Variants in AKAP13 observed in about 807,000 individuals in gnomAD.
The protein encoded by AKAP13 is A-kinase anchoring protein 13, also known as A-kinase anchor protein 13.
In AKAP13, 80 loss-of-function variants were observed where a neutral mutation model predicts 264.5. The ratio of observed to expected loss-of-function variants is 0.30; its 90% CI spans 0.25 to 0.36. The LOEUF is 0.36. AKAP13 is among the 10% of genes least tolerant of loss of function. The probability of loss-of-function intolerance (pLI) is 1.00; values close to 1 mark genes in which losing one functional copy is unlikely to be tolerated. For synonymous variants in AKAP13, 1,380 were observed against 1,250.2 expected, an observed-to-expected ratio of 1.10 and a Z score of -2.19; for missense variants, 3,712 against 3,435.2, an observed-to-expected ratio of 1.08 and a Z score of -2.01.
At chr15:85,397,055 T>C (rs2071154047) in intron 1 of AKAP13, among the ~76,000 whole-genome samples, 1 of 134,274 alleles carries the variant, frequency 7.4e-6, no homozygotes, top group Non-Finnish European at 1.6e-5. Context: ...CGAGGATTAT[T>C]TTTTAAATAA....
In AKAP13 at chr15:85,721,986, T is replaced by C. The variant is rs746220147; in HGVS notation, c.6253-5T>C. The C allele has an allele frequency of 1.2e-6, 2 of 1,613,910 alleles. No homozygotes were observed. The highest frequency in any genetic ancestry group is 2.2e-5 in the South Asian group (2 of 91,058). On this transcript the variant is annotated splice_polypyrimidine_tract_variant and splice_region_variant and intron_variant, in intron 23 of 36. Coordinates refer to ENST00000394518, the MANE Select transcript of AKAP13 (RefSeq NM_007200.5). ...GGCATAACTTCTGTTCTCTTTTCTCTGCAGTTTTCAGGTGAGAATGCAGAA... is the reference window on the plus strand; with the variant it reads ...GGCATAACTTCTGTTCTCTTTTCTCCGCAGTTTTCAGGTGAGAATGCAGAA...
chr15:85,550,228 A>G (rs2077908137), intron 5 of AKAP13, among the ~76,000 whole-genome samples: 1 of 152,008 alleles, frequency 6.6e-6, no homozygotes, highest in South Asian at 2.1e-4. Context: ...TCTGTTTTAT[A>G]ATTGAGGAAA....
At chr15:85,529,916 T>C (rs572243302) in intron 3 of AKAP13, among the ~76,000 whole-genome samples, 16 of 152,340 alleles carry the variant, frequency 1.1e-4, no homozygotes, top group South Asian at 6.2e-4. Flanking sequence ...ATTTTACTTA[T>C]GATGATTCAT....
chr15:85,498,220 A>G (rs1395394039), intron 2 of AKAP13, among the ~76,000 whole-genome samples: 2 of 101,902 alleles, frequency 2.0e-5, no homozygotes, highest in African/African-American at 7.7e-5. Context: ...ATATATATAT[A>G]TATATATCAC....
At chr15:85,478,705 C>G (rs1255016360) in intron 1 of AKAP13, among the ~76,000 whole-genome samples, 2 of 151,750 alleles carry the variant, frequency 1.3e-5, no homozygotes, top group Non-Finnish European at 2.9e-5. Context: ...TTGTCCCACT[C>G]CCAACCCCTC....
Position 85,658,575 on chromosome 15 carries a change from C to A in AKAP13, c.4784C>A (p.Pro1595His), listed in dbSNP as rs768828039. The A allele has an allele frequency of 3.1e-5, 50 of 1,613,730 alleles. No individual in the cohort carries two copies. Among genetic ancestry groups the A allele is most frequent in the Non-Finnish European group, 4.2e-5 (49 of 1,179,866 alleles). The change falls in exon 12 of 37, where the codon CCC becomes CAC. Residue 1595 changes from proline (P) to histidine (H), a missense_variant. Pro to His is a moderately conservative substitution (Grantham distance 77). Transcript: ENST00000394518. ...RVLGDVVRRPPIHRRSFSLEG... is the reference protein window; with the variant it reads ...RVLGDVVRRPHIHRRSFSLEG... The stretch of plus-strand genomic sequence containing the variant: ...CTTGGGGATGTTGTCAGGAGACCTC[C>A]CATTCATAGGAGAAGGTACAGAGTT...
At chr15:85,400,135 C>A (rs1297194886) in intron 1 of AKAP13, among the ~76,000 whole-genome samples, 1 of 152,110 alleles carries the variant, frequency 6.6e-6, no homozygotes, top group Non-Finnish European at 1.5e-5. Flanking sequence ...CTCAGTGGCT[C>A]ACACTTATAA....
At chr15:85,415,186 A>G in intron 1 of AKAP13, 2 of 1,268,090 alleles carry the variant, frequency 1.6e-6, no homozygotes, top group East Asian at 5.0e-5. Context: ...TGCCACGCCG[A>G]CGCAGACCCC....
chr15:85,744,721 A>T lies in AKAP13; in HGVS notation c.*44A>T, dbSNP rs1210475463. The T allele has an allele frequency of 6.5e-7, 1 of 1,548,608 alleles. No individual in the cohort carries two copies. Among genetic ancestry groups the T allele is most frequent in the Non-Finnish European group, 8.7e-7 (1 of 1,145,108 alleles). ...AGGCAGCTGCCTCCTGATCCTGGCC[A>T]GCCCACCTCTCCTGCTGTCCCCGCG... On this transcript the variant is annotated 3_prime_UTR_variant, in exon 37 of 37. Transcript: ENST00000394518.
At chr15:85,739,926 C>T (rs182692087) in intron 33 of AKAP13, among the ~76,000 whole-genome samples, 44 of 152,136 alleles carry the variant, frequency 2.9e-4, no homozygotes, top group South Asian at 2.1e-4. Context: ...TGTTCTGTTG[C>T]GTTGATATGT....
intron 17 of AKAP13, among the ~76,000 whole-genome samples, chr15:85,697,400 C>A (rs2085625315): frequency 6.6e-6 from 1 of 152,130 alleles, no homozygotes; most frequent in Non-Finnish European, 1.5e-5. Flanking sequence ...GAAACCCCGT[C>A]TCTACTAAAA....
At chr15:85,388,829 T>C (rs887499333) in intron 1 of AKAP13, among the ~76,000 whole-genome samples, 3 of 152,378 alleles carry the variant, frequency 2.0e-5, no homozygotes, top group African/African-American at 7.2e-5. Flanking sequence ...ATGATAGTTG[T>C]TGAGTCCTTA....
intron 2 of AKAP13, among the ~76,000 whole-genome samples, chr15:85,487,948 A>G (rs2075611323): frequency 6.6e-6 from 1 of 152,192 alleles, no homozygotes; most frequent in Non-Finnish European, 1.5e-5. Flanking sequence ...CCCAGGCTGG[A>G]GTGCAGTGGC....
intron 5 of AKAP13, among the ~76,000 whole-genome samples, chr15:85,566,560 T>C (rs946335155): frequency 1.1e-4 from 17 of 152,194 alleles, no homozygotes; most frequent in Non-Finnish European, 2.2e-4. Flanking sequence ...TTAATATTAG[T>C]TTATGAGGCT....
chr15:85,619,179 C>T (rs1451662453), intron 8 of AKAP13, among the ~76,000 whole-genome samples: 2 of 151,442 alleles, frequency 1.3e-5, no homozygotes, highest in Admixed American at 6.6e-5. Context: ...GAAGAAGAAG[C>T]GGGTTGGAAA....
intron 22 of AKAP13, 52 bp from the exon 23 acceptor site, chr15:85,719,024 C>T (rs1186451854): frequency 8.1e-6 from 13 of 1,597,250 alleles, no homozygotes; most frequent in South Asian, 3.4e-5. Flanking sequence ...TCTTTGAGGG[C>T]GAATGCTTAT....
At position 85,579,236 on chromosome 15, in the gene AKAP13, G is replaced by A. The variant is rs753877171; in HGVS notation, c.1168G>A (p.Asp390Asn). Residue 390 changes from aspartate (D) to asparagine (N), a missense_variant, in exon 7 of 37, where the codon GAC becomes AAC. Physicochemically the swap from Asp to Asn is conservative, Grantham distance 23. Transcript: ENST00000394518. ...AGAGGTGGAGCCAGCACCTATTGTG[G>A]ACTCTGGAACTGTATCTGATCAAGA... ...GEEVEPAPIV[D>N]SGTVSDQDSC... The A allele has an allele frequency of 3.1e-5, 50 of 1,614,092 alleles. 1 individual carries two copies. The highest frequency in any genetic ancestry group is 2.8e-5 in the Non-Finnish European group (33 of 1,180,038).
At chr15:85,613,544 G>T (rs1289260081) in intron 8 of AKAP13, among the ~76,000 whole-genome samples, 2 of 151,626 alleles carry the variant, frequency 1.3e-5, no homozygotes, top group East Asian at 3.9e-4. Flanking sequence ...AGCTGGGCGT[G>T]GTGGCGGGCG....
chr15:85,442,075 G>C (rs940921627), intron 1 of AKAP13, among the ~76,000 whole-genome samples: 3 of 152,076 alleles, frequency 2.0e-5, no homozygotes, highest in Non-Finnish European at 4.4e-5. Flanking sequence ...TTAGGGCTGG[G>C]TAAGCCTAGG....
Sources: gnomAD v4.1 joint callset for allele counts (sites outside exome capture counted in the v4.1 genomes callset) on GRCh38, gnomAD v4.1.1 for gene constraint, MANE v1.5 for transcripts, NCBI Gene and HGNC (gene_info 2026-07-23, HGNC 2026-07-21) for gene names.